COL6A5: variants seen among roughly 807,000 people sequenced by gnomAD.
COL6A5 encodes the protein collagen alpha-5(VI) chain.
COL6A5 carries 48 observed loss-of-function variants against 65.6 expected under a neutral mutation model. The ratio of observed to expected loss-of-function variants is 0.73; its 90% confidence interval spans 0.58 to 0.93. The LOEUF is 0.93. Among genes scored for constraint, COL6A5 ranks in the 40% least tolerant of loss-of-function variants. The pLI is 0.00. For missense variants in COL6A5, 914 were observed against 928.3 expected, an observed-to-expected ratio of 0.98 and a Z score of 0.20; for synonymous variants, 291 against 322.8, an observed-to-expected ratio of 0.90 and a Z score of 1.05.
Position 130,376,236 on chromosome 3 carries a change from G to C in COL6A5, c.68-1G>C. Reference sequence around the variant, plus strand: ...TTTTGCTTGTTATTTTATTTTGATAGGGCCAGGCCCTGTGTATGCAGATGT... The same window carrying C: ...TTTTGCTTGTTATTTTATTTTGATACGGCCAGGCCCTGTGTATGCAGATGT... On this transcript the variant is annotated splice_acceptor_variant and NMD_transcript_variant, in intron 2 of 41. Transcript: ENST00000312481. 7 of 1,559,764 alleles carry C rather than the reference G, an allele frequency of 4.5e-6. No individual in the cohort carries two copies. The highest frequency in any genetic ancestry group is 5.2e-6 in the Non-Finnish European group (6 of 1,155,944).
chr3:130,352,467 T>G (rs113780798), intron 1 of COL6A5, among the ~76,000 whole-genome samples: 101 of 151,866 alleles, frequency 6.7e-4, no homozygotes, highest in Non-Finnish European at 1.3e-3. Flanking sequence ...GAAATTAGAG[T>G]AATAATGATC....
At chr3:130,379,015 G>A (rs995949542) in intron 3 of COL6A5, among the ~76,000 whole-genome samples, 10 of 152,062 alleles carry the variant, frequency 6.6e-5, no homozygotes, top group African/African-American at 1.7e-4. Context: ...TAAAGGTAGC[G>A]GTGATGGTGG....
In COL6A5 at chr3:130,401,754, T is replaced by C. The variant is rs760084405; in HGVS notation, c.4135-8T>C. 50 of 1,547,976 alleles carry C rather than the reference T, an allele frequency of 3.2e-5. No homozygotes were observed. Among genetic ancestry groups the C allele is most frequent in the Non-Finnish European group, 3.8e-5 (44 of 1,143,836 alleles). On this transcript the variant is annotated splice_polypyrimidine_tract_variant and splice_region_variant and intron_variant and NMD_transcript_variant, in intron 11 of 41. Coordinates refer to the COL6A5 transcript ENST00000312481. ...GCTATTCCCTCAGCTTTACTTTTTTTCCCCCAGGGAAATATTGCAGAGAGG... is the reference window on the plus strand; with the variant it reads ...GCTATTCCCTCAGCTTTACTTTTTTCCCCCCAGGGAAATATTGCAGAGAGG...
intron 1 of COL6A5, among the ~76,000 whole-genome samples, chr3:130,362,294 A>G (rs1443261592): frequency 1.0e-3 from 2 of 1,958 alleles, no homozygotes; most frequent in East Asian, 5.2e-3. Context: ...TTCTCCATAT[A>G]TATATATATA....
chr3:130,405,808 G>A lies in COL6A5; in HGVS notation c.4353+149G>A, dbSNP rs575540815. The A allele has an allele frequency of 6.1e-5, 55 of 900,802 alleles. 1 individual carries two copies. Among genetic ancestry groups the A allele is most frequent in the Non-Finnish European group, 1.9e-5 (11 of 581,796 alleles). 55.8% of individuals were successfully genotyped at this position (900,802 alleles called of 1,614,324 possible). A position where few individuals can be genotyped will look rare whatever the true frequency, so the allele number is the denominator to read the frequency against. On this transcript the variant is annotated intron_variant and NMD_transcript_variant, in intron 14 of 41. Transcript: ENST00000312481. ...ATATAGATGAGTTTTCCTGTCTGCA[G>A]ACTAATTCTGCTTTTTAATAATATC...
At chr3:130,402,004 G>A in intron 12 of COL6A5, 150 bp downstream of exon 12, 5 of 582,354 alleles carry the variant, frequency 8.6e-6, no homozygotes, top group Non-Finnish European at 1.5e-5. Flanking sequence ...TAAAATCCAG[G>A]TCAGGAGAGC....
intron 25 of COL6A5, among the ~76,000 whole-genome samples, chr3:130,419,236 A>G (rs1937454796): frequency 6.6e-6 from 1 of 152,084 alleles, no homozygotes; most frequent in South Asian, 2.1e-4. Context: ...TTGAAAAACA[A>G]CACTGCCCAT....
exon 6 of COL6A5, chr3:130,469,353 A>G (rs774226692): frequency 6.2e-7 from 1 of 1,612,916 alleles, no homozygotes; most frequent in East Asian, 2.2e-5. Context: ...CCTAAACACA[A>G]TGACAAAGAA....
At chr3:130,362,326 ATTT>A (rs374784717) in intron 1 of COL6A5, among the ~76,000 whole-genome samples, 55 of 4,602 alleles carry the variant, frequency 0.012, no homozygotes, top group African/African-American at 0.02. Flanking sequence ...ATATATATAT[ATTT>A]TTTTTTTTTT....
chr3:130,416,162 G>T (rs1937330820), intron 23 of COL6A5, among the ~76,000 whole-genome samples: 1 of 152,076 alleles, frequency 6.6e-6, no homozygotes, highest in Admixed American at 6.6e-5. Flanking sequence ...GAACCTGTTT[G>T]TTTCCTGAGA....
chr3:130,429,326 C>A (rs1231235784), upstream of COL6A5, among the ~76,000 whole-genome samples: 1 of 152,116 alleles, frequency 6.6e-6, no homozygotes, highest in African/African-American at 2.4e-5. Context: ...CAGTTTCAAC[C>A]AAAATTCTGC....
At chr3:130,419,079 C>T (rs1937449749) in intron 25 of COL6A5, 148 bp downstream of exon 25, 1 of 671,368 alleles carries the variant, frequency 1.5e-6, no homozygotes, top group Non-Finnish European at 2.7e-6. Context: ...CTCCCACCCC[C>T]TAAAGCTCTC....
rs1288930016 is a variant in COL6A5 at position 130,484,065 on chromosome 3, AAAG to A, written c.*29_*31del. The A allele has an allele frequency of 2.5e-6, 4 of 1,606,514 alleles. No homozygotes were observed. The South Asian group carries it at 3.4e-5, about 13-fold the overall frequency. On this transcript the variant is annotated 3_prime_UTR_variant, in exon 8 of 8. Coordinates refer to ENST00000512836, the Ensembl canonical transcript of COL6A5. ...GAAGATACAAGGTCATCATAGGAGA[AAAG>A]AAGATAGCTCCACTGACATGTATAA...
intron 4 of COL6A5, among the ~76,000 whole-genome samples, chr3:130,450,953 T>A (rs1433129452): frequency 6.6e-6 from 1 of 152,104 alleles, no homozygotes; most frequent in Admixed American, 6.6e-5. Flanking sequence ...ACGGGCCTCC[T>A]CTGACCACCA....
chr3:130,405,092 C>T (rs576184445), intron 13 of COL6A5, among the ~76,000 whole-genome samples: 3 of 152,322 alleles, frequency 2.0e-5, no homozygotes, highest in Admixed American at 1.3e-4. Context: ...GGTCTTTAAC[C>T]TGGTGATTCC....
intron 3 of COL6A5, among the ~76,000 whole-genome samples, chr3:130,442,183 CCTA>C (rs1324386842): frequency 1.3e-5 from 2 of 152,088 alleles, no homozygotes; most frequent in Non-Finnish European, 2.9e-5. Context: ...TACCAACTTT[CCTA>C]TTAGAGCATT....
intron 1 of COL6A5, among the ~76,000 whole-genome samples, chr3:130,359,954 T>A (rs1220611981): frequency 6.6e-6 from 1 of 152,114 alleles, no homozygotes; most frequent in Admixed American, 6.6e-5. Flanking sequence ...CAAGAAAAAT[T>A]CTACTTTTGA....
chr3:130,432,411 C>T (rs961627655), intron 1 of COL6A5, among the ~76,000 whole-genome samples: 2 of 151,988 alleles, frequency 1.3e-5, no homozygotes, highest in African/African-American at 4.8e-5. Flanking sequence ...AAATTAGCTG[C>T]ATGGTGGCGC....
intron 14 of COL6A5, 55 bp downstream of exon 14, chr3:130,405,714 C>G (rs574333222): frequency 1.4e-4 from 194 of 1,354,834 alleles, no homozygotes; most frequent in Admixed American, 4.4e-4. Context: ...CTCTCCCTCT[C>G]TTTCCCCATT....
Sources: allele counts gnomAD v4.1 joint callset (sites outside exome capture counted in the v4.1 genomes callset), GRCh38; gene constraint gnomAD v4.1.1; transcripts MANE v1.5; gene names NCBI Gene and HGNC (gene_info 2026-07-23, HGNC 2026-07-21).